The following ENPP1 variants were observed in gnomAD, a reference collection of about 807,000 sequenced individuals.
ENPP1 encodes the protein ectonucleotide pyrophosphatase/phosphodiesterase family member 1.
A neutral mutation model predicts 122.8 loss-of-function variants in ENPP1; 73 were observed. That is an observed-to-expected ratio of 0.59 (90% confidence interval 0.49 to 0.72). The LOEUF (loss-of-function observed/expected upper bound fraction) is 0.72, where lower values mean the gene tolerates loss of function less well. Among genes scored for constraint, ENPP1 ranks in the 30% least tolerant of loss-of-function variants. The pLI is 0.00. For synonymous variants in ENPP1, 367 were observed against 391.6 expected, an observed-to-expected ratio of 0.94 and a Z score of 0.74; for missense variants, 978 against 1,128.1, an observed-to-expected ratio of 0.87 and a Z score of 1.91.
intron 1 of ENPP1, among the ~76,000 whole-genome samples, chr6:131,824,904 A>G (rs1254673005): frequency 6.6e-6 from 1 of 152,112 alleles, no homozygotes; most frequent in Non-Finnish European, 1.5e-5. Flanking sequence ...TACCAAAAAT[A>G]CAAAAATTAG....
Position 131,879,957 on chromosome 6 carries a change from T to A in ENPP1, c.2023T>A (p.Ser675Thr). Residue 675 changes from serine to threonine, a missense_variant, in exon 20 of 25, where the codon TCC (serine) becomes ACC (threonine). Physicochemically the swap from Ser to Thr is moderately conservative, Grantham distance 58. This residue lies in a region of ENPP1 where 644 missense variants were observed against 781.5 expected (regional missense o/e 0.82). Coordinates refer to ENST00000647893, the MANE Select transcript of ENPP1 (RefSeq NM_006208.3). ...LQKENTICLL[S>T]QHQFMSGYSQ... ...GAAGGAAAACACCATCTGTCTTCTT[T>A]CCCAGCACCAGTTTATGAGTGGATA... 6.2e-7 allele frequency: 1 copy of A among 1,613,916 alleles called. No individual in the cohort carries two copies. Among genetic ancestry groups the A allele is most frequent in the Non-Finnish European group, 8.5e-7 (1 of 1,179,780 alleles).
chr6:131,846,700 A>G (rs1431852626), intron 1 of ENPP1, among the ~76,000 whole-genome samples: 2 of 152,106 alleles, frequency 1.3e-5, no homozygotes, highest in Admixed American at 6.5e-5. Flanking sequence ...TTTTTCCTTC[A>G]GTGTATAACA....
intron 1 of ENPP1, among the ~76,000 whole-genome samples, chr6:131,840,476 C>T (rs1223872793): frequency 6.6e-6 from 1 of 152,178 alleles, no homozygotes; most frequent in Non-Finnish European, 1.5e-5. Flanking sequence ...CCGTAGTGGG[C>T]CCAGTCCTTT....
chr6:131,822,431 GT>G (rs1454591852), intron 1 of ENPP1, among the ~76,000 whole-genome samples: 1 of 151,974 alleles, frequency 6.6e-6, no homozygotes, highest in Admixed American at 6.5e-5. Context: ...CAAAATATTT[GT>G]TTTGAGAGCT....
intron 1 of ENPP1, among the ~76,000 whole-genome samples, chr6:131,833,597 C>T (rs892783838): frequency 1.3e-5 from 2 of 152,096 alleles, no homozygotes; most frequent in Non-Finnish European, 2.9e-5. Context: ...AATATTTGCT[C>T]ATCTTTTCTT....
chr6:131,848,181 G>A (rs1464158514), intron 2 of ENPP1, among the ~76,000 whole-genome samples: 1 of 152,068 alleles, frequency 6.6e-6, no homozygotes, highest in Non-Finnish European at 1.5e-5. Flanking sequence ...TAGGTTACTA[G>A]GTGACAGTTA....
chr6:131,890,762 C>A lies in ENPP1; in HGVS notation c.*251C>A. 1 of 502,442 alleles carries A rather than the reference C, an allele frequency of 2.0e-6. No homozygotes were observed. Among genetic ancestry groups the A allele is most frequent in the Non-Finnish European group, 3.6e-6 (1 of 279,352 alleles). 31.1% of individuals were successfully genotyped at this position (502,442 alleles called of 1,614,324 possible). A position where few individuals can be genotyped will look rare whatever the true frequency, so the allele number is the denominator to read the frequency against. ...TCAAGTTCGGGGGAATAAAGACAGA[C>A]CACACCTAAAACTGCCTTTCTGCTT... is the stretch of plus-strand genomic sequence containing the variant. On this transcript the variant is annotated 3_prime_UTR_variant, in exon 25 of 25. Transcript: ENST00000647893.
intron 5 of ENPP1, among the ~76,000 whole-genome samples, chr6:131,852,636 A>T (rs1781896656): frequency 6.6e-6 from 1 of 152,160 alleles, no homozygotes; most frequent in Non-Finnish European, 1.5e-5. Context: ...AGTTATCCCT[A>T]TTCTGGAAGT....
chr6:131,817,754 TAC>T (rs138209749), intron 1 of ENPP1, among the ~76,000 whole-genome samples: 20,398 of 146,294 alleles, frequency 0.14, 1,494 homozygotes, highest in African/African-American at 0.17. Flanking sequence ...TCTCTCTCCA[TAC>T]ACACACACAC....
chr6:131,863,964 T>G (rs1261886022), intron 9 of ENPP1, among the ~76,000 whole-genome samples: 1 of 152,090 alleles, frequency 6.6e-6, no homozygotes, highest in East Asian at 1.9e-4. Context: ...ATTCAAAGAT[T>G]AATAGTATAT....
chr6:131,873,889 C>T (rs530548905), intron 15 of ENPP1, among the ~76,000 whole-genome samples: 1 of 152,162 alleles, frequency 6.6e-6, no homozygotes, highest in South Asian at 2.1e-4. Context: ...AATATCTAAA[C>T]ACCATGTTGC....
rs79914189 is a variant in ENPP1 at position 131,878,475 on chromosome 6, G to A, written c.1894-67G>A. 3,359 of 898,252 alleles carry A rather than the reference G, an allele frequency of 3.7e-3. 71 individuals carry two copies. In the African/African-American group the frequency reaches 0.048, roughly 13 times the overall value. The allele number at this position is 898,252 out of a possible 1,614,324, so 55.6% of individuals were successfully genotyped here. On this transcript the variant is annotated intron_variant, in intron 18 of 24. Coordinates refer to ENST00000647893, the MANE Select transcript of ENPP1 (RefSeq NM_006208.3). ...TATGTTGGAATAATCAATCTATAGC[G>A]GTTCTATGTTACAAAATTTAAAACA...
chr6:131,817,200 C>G (rs575233300), intron 1 of ENPP1, among the ~76,000 whole-genome samples: 1 of 152,156 alleles, frequency 6.6e-6, no homozygotes, highest in Non-Finnish European at 1.5e-5. Context: ...ATTTTTATCA[C>G]GGACTAATAG....
At position 131,886,776 on chromosome 6, in the gene ENPP1, A is replaced by G. The variant is rs778049597; in HGVS notation, c.2607+52A>G. ...GCATGTTGAAAATCTAGACATATGCATATTTGTTTATGTCACCCATCTGAC... is the reference window on the plus strand; with the variant it reads ...GCATGTTGAAAATCTAGACATATGCGTATTTGTTTATGTCACCCATCTGAC... On this transcript the variant is annotated intron_variant, in intron 24 of 24. Coordinates refer to ENST00000647893, the MANE Select transcript of ENPP1 (RefSeq NM_006208.3). 9 of 1,502,396 alleles carry G rather than the reference A, an allele frequency of 6.0e-6. No homozygotes were observed. In the East Asian group the frequency reaches 1.4e-4, roughly 23 times the overall value. The allele number at this position is 1,502,396 out of a possible 1,614,324, so 93.1% of individuals were successfully genotyped here.
chr6:131,871,932 G>A lies in ENPP1; in HGVS notation c.1406-138G>A, dbSNP rs908709893. 8.5e-6 allele frequency: 6 copies of A among 702,652 alleles called. No homozygotes were observed. In the African/African-American group the frequency reaches 1.1e-4, roughly 13 times the overall value. The allele number at this position is 702,652 out of a possible 1,614,324, so 43.5% of individuals were successfully genotyped here. On this transcript the variant is annotated intron_variant, in intron 13 of 24. Transcript: ENST00000647893. ...TCTAATTCCTTTCAGTGGCTACAATGTAATGACTTAAATGAACTCTTTAAA... is the reference window on the plus strand; with the variant it reads ...TCTAATTCCTTTCAGTGGCTACAATATAATGACTTAAATGAACTCTTTAAA...
intron 1 of ENPP1, among the ~76,000 whole-genome samples, chr6:131,834,844 C>T (rs890514414): frequency 1.3e-5 from 2 of 152,128 alleles, no homozygotes; most frequent in Admixed American, 6.5e-5. Context: ...CAGGCGTGAG[C>T]CACCGCGCCC....
At chr6:131,889,987 C>G (rs1036331777) in intron 24 of ENPP1, among the ~76,000 whole-genome samples, 1 of 152,148 alleles carries the variant, frequency 6.6e-6, no homozygotes, top group Non-Finnish European at 1.5e-5. Context: ...AATAGGCATT[C>G]TGAGTGATTC....
In ENPP1 at chr6:131,893,964, T is replaced by C. The variant is rs1444266746; in HGVS notation, c.*3453T>C. ...ATCTTGATTTCTTTTTTTTTTTTTT[T>C]TTTTTTTTTTTTTTTGAGATGCTCT... On this transcript the variant is annotated 3_prime_UTR_variant, in exon 25 of 25. Coordinates refer to ENST00000647893, the MANE Select transcript of ENPP1 (RefSeq NM_006208.3). 6 of 128,768 alleles carry C rather than the reference T, an allele frequency of 4.7e-5. No individual in the cohort carries two copies. Among genetic ancestry groups the C allele is most frequent in the East Asian group, 2.2e-4 (1 of 4,462 alleles). 8.0% of individuals were successfully genotyped at this position (128,768 alleles called of 1,614,324 possible). A position where few individuals can be genotyped will look rare whatever the true frequency, so the allele number is the denominator to read the frequency against.
In ENPP1 at chr6:131,852,283, G is replaced by A. The variant is rs778019180; in HGVS notation, c.617+48G>A. The A allele has an allele frequency of 1.6e-5, 18 of 1,135,010 alleles. No individual in the cohort carries two copies. In the African/African-American group the frequency reaches 2.6e-4, roughly 16 times the overall value. 70.3% of individuals were successfully genotyped at this position (1,135,010 alleles called of 1,614,324 possible). A position where few individuals can be genotyped will look rare whatever the true frequency, so the allele number is the denominator to read the frequency against. ...TAATTTTTTCTTTTTTAGAAGTACA[G>A]CATCATTTTTTTCTTTCCAAATTAA... On this transcript the variant is annotated intron_variant, in intron 5 of 24. Coordinates refer to ENST00000647893, the MANE Select transcript of ENPP1 (RefSeq NM_006208.3).
Sources: gnomAD v4.1 joint callset for allele counts (sites outside exome capture counted in the v4.1 genomes callset) on GRCh38, gnomAD v4.1.1 for gene constraint, gnomAD v4.1.1 regional missense constraint, MANE v1.5 for transcripts, NCBI Gene and HGNC (gene_info 2026-07-23, HGNC 2026-07-21) for gene names.